The following LHFPL6 variants were observed in gnomAD, a reference collection of about 807,000 sequenced individuals.
LHFPL6 encodes the protein LHFPL tetraspan subfamily member 6.
In LHFPL6, 9 loss-of-function variants were observed where a neutral mutation model predicts 20.6. The ratio of observed to expected loss-of-function variants is 0.44; its 90% CI spans 0.26 to 0.76. The LOEUF is 0.76. LHFPL6 is among the 30% of genes least tolerant of loss of function. LHFPL6 has a pLI of 0.20. For missense variants in LHFPL6, 218 were observed against 253.5 expected, an observed-to-expected ratio of 0.86 and a Z score of 0.95; for synonymous variants, 105 against 98.7, an observed-to-expected ratio of 1.06 and a Z score of -0.38.
intron 2 of LHFPL6, among the ~76,000 whole-genome samples, chr13:39,580,280 T>C (rs1309084284): frequency 6.6e-6 from 1 of 151,894 alleles, no homozygotes; most frequent in Non-Finnish European, 1.5e-5. Context: ...TGGTGACAGG[T>C]GTTAAAAAAA....
chr13:39,588,639 C>T (rs1872520524), intron 2 of LHFPL6, among the ~76,000 whole-genome samples: 1 of 152,204 alleles, frequency 6.6e-6, no homozygotes, highest in Admixed American at 6.5e-5. Context: ...ATGCAGGAAC[C>T]TCAGTTCTAA....
At chr13:39,557,197 G>A (rs1284310918) in intron 2 of LHFPL6, among the ~76,000 whole-genome samples, 4 of 152,208 alleles carry the variant, frequency 2.6e-5, no homozygotes, top group Non-Finnish European at 4.4e-5. Flanking sequence ...AAGCCTAGAA[G>A]GAGAAAGCAG....
chr13:39,538,274 G>A (rs1002521968), intron 2 of LHFPL6, among the ~76,000 whole-genome samples: 4 of 151,514 alleles, frequency 2.6e-5, no homozygotes, highest in African/African-American at 9.7e-5. Flanking sequence ...ACAGACGTGA[G>A]CCACCACGCC....
At chr13:39,416,353 C>G (rs1871347925) in intron 2 of LHFPL6, among the ~76,000 whole-genome samples, 1 of 124,824 alleles carries the variant, frequency 8.0e-6, no homozygotes, top group African/African-American at 2.9e-5. Context: ...AATGAATGAA[C>G]CTTAATATGT....
At chr13:39,357,927 C>A (rs548632037) in intron 3 of LHFPL6, among the ~76,000 whole-genome samples, 92 of 152,150 alleles carry the variant, frequency 6.0e-4, no homozygotes, top group Non-Finnish European at 1.0e-3. Context: ...CCATTAATAT[C>A]AATATCATTA....
chr13:39,370,216 G>A (rs1307472141), intron 3 of LHFPL6, among the ~76,000 whole-genome samples: 1 of 152,082 alleles, frequency 6.6e-6, no homozygotes, highest in Non-Finnish European at 1.5e-5. Context: ...CCTTGGACGC[G>A]GAAGTTTCCC....
Position 39,530,111 on chromosome 13 carries a change from G to A in LHFPL6, c.385+70721C>T, listed in dbSNP as rs867315373. On this transcript the variant is annotated intron_variant, in intron 2 of 3. Coordinates refer to ENST00000379589, the MANE Select transcript of LHFPL6 (RefSeq NM_005780.3). ...TTTGAGTGAACATAAAGTGGGAAAA[G>A]GAATACTAAAGAAGAGAGTAACTAG... Among the ~76,000 whole-genome samples the A allele has an allele frequency of 4.6e-5, 7 of 151,916 alleles. No homozygotes were observed. In the South Asian group the frequency reaches 8.3e-4, roughly 18 times the overall value.
intron 2 of LHFPL6, among the ~76,000 whole-genome samples, chr13:39,514,088 C>A (rs776090592): frequency 2.0e-5 from 3 of 152,054 alleles, no homozygotes; most frequent in Non-Finnish European, 4.4e-5. Flanking sequence ...GATCACGAGA[C>A]CCATGTTCTG....
At chr13:39,411,434 G>T (rs1871239154) in intron 2 of LHFPL6, among the ~76,000 whole-genome samples, 1 of 152,202 alleles carries the variant, frequency 6.6e-6, no homozygotes, top group African/African-American at 2.4e-5. Context: ...TTTTGGAAGT[G>T]AGGTGCTTTT....
intron 2 of LHFPL6, among the ~76,000 whole-genome samples, chr13:39,591,847 G>A (rs1428494263): frequency 1.3e-5 from 2 of 152,170 alleles, no homozygotes; most frequent in African/African-American, 4.8e-5. Context: ...TGTCATCCCA[G>A]CACTTTGGGA....
intron 3 of LHFPL6, among the ~76,000 whole-genome samples, chr13:39,363,229 G>C (rs904784813): frequency 6.6e-6 from 1 of 152,086 alleles, no homozygotes; most frequent in African/African-American, 2.4e-5. Context: ...TAGAGGAAAG[G>C]GATTAGACCT....
chr13:39,524,525 G>T (rs981571257), intron 2 of LHFPL6, among the ~76,000 whole-genome samples: 2 of 152,166 alleles, frequency 1.3e-5, no homozygotes, highest in African/African-American at 4.8e-5. Context: ...AGGGAACAAG[G>T]TCTTGATTCA....
chr13:39,357,661 A>G (rs1280062476), intron 3 of LHFPL6, among the ~76,000 whole-genome samples: 4 of 152,244 alleles, frequency 2.6e-5, no homozygotes, highest in Non-Finnish European at 4.4e-5. Context: ...TTCAGGATAC[A>G]AAATCAATGC....
At chr13:39,434,153 G>A (rs1871890680) in intron 2 of LHFPL6, among the ~76,000 whole-genome samples, 1 of 152,200 alleles carries the variant, frequency 6.6e-6, no homozygotes, top group South Asian at 2.1e-4. Flanking sequence ...GATTTGGGGA[G>A]ATCTTTTCTC....
chr13:39,550,519 C>A (rs73466864), intron 2 of LHFPL6, among the ~76,000 whole-genome samples: 2,640 of 152,144 alleles, frequency 0.017, 89 homozygotes, highest in African/African-American at 0.061. Flanking sequence ...TATTCACCAA[C>A]CCTCCCCCAC....
At chr13:39,368,920 T>C (rs993734682) in intron 3 of LHFPL6, among the ~76,000 whole-genome samples, 3 of 152,176 alleles carry the variant, frequency 2.0e-5, no homozygotes, top group Admixed American at 2.0e-4. Flanking sequence ...AAGGGGCTTC[T>C]TTCTGTTTTA....
chr13:39,601,821 AG>A (rs1457842946), intron 1 of LHFPL6, among the ~76,000 whole-genome samples: 6 of 152,198 alleles, frequency 3.9e-5, no homozygotes, highest in Non-Finnish European at 7.3e-5. Context: ...TGTCCCTTTA[AG>A]GGTGCATTAA....
intron 3 of LHFPL6, among the ~76,000 whole-genome samples, chr13:39,366,378 G>T (rs1870013295): frequency 6.6e-6 from 1 of 152,056 alleles, no homozygotes; most frequent in South Asian, 2.1e-4. Flanking sequence ...TTTGATCATT[G>T]CTGTGCTAAT....
At chr13:39,484,044 C>T (rs542484912) in intron 2 of LHFPL6, among the ~76,000 whole-genome samples, 2 of 152,250 alleles carry the variant, frequency 1.3e-5, no homozygotes, top group African/African-American at 4.8e-5. Context: ...AGTATTGGCT[C>T]TTCTCAAATA....
Sources: gnomAD v4.1 joint callset for allele counts (sites outside exome capture counted in the v4.1 genomes callset) on GRCh38, gnomAD v4.1.1 for gene constraint, MANE v1.5 for transcripts, NCBI Gene and HGNC (gene_info 2026-07-23, HGNC 2026-07-21) for gene names.